The following GABRB3 variants were observed in gnomAD, a reference collection of about 807,000 sequenced individuals.
The protein encoded by GABRB3 is gamma-aminobutyric acid type A receptor subunit beta3, also known as gamma-aminobutyric acid receptor subunit beta-3.
GABRB3 carries 14 observed loss-of-function variants against 52.1 expected under a neutral mutation model. The ratio of observed to expected loss-of-function variants is 0.27; its 90% CI spans 0.18 to 0.42. GABRB3 has a LOEUF of 0.42. Among genes scored for constraint, GABRB3 ranks in the 10% least tolerant of loss-of-function variants. The probability of loss-of-function intolerance (pLI) is 1.00; values close to 1 mark genes in which losing one functional copy is unlikely to be tolerated. For missense variants in GABRB3, 307 were observed against 609.1 expected, an observed-to-expected ratio of 0.50 and a Z score of 5.22; for synonymous variants, 260 against 232.3, an observed-to-expected ratio of 1.12 and a Z score of -1.08.
At chr15:26,729,358 T>C (rs1889850221) in intron 3 of GABRB3, among the ~76,000 whole-genome samples, 1 of 151,134 alleles carries the variant, frequency 6.6e-6, no homozygotes, top group African/African-American at 2.4e-5. Flanking sequence ...CCCTCCACCT[T>C]CCCCCTCCTT....
At chr15:26,697,521 C>T (rs559632023) in intron 3 of GABRB3, among the ~76,000 whole-genome samples, 27 of 152,228 alleles carry the variant, frequency 1.8e-4, no homozygotes, top group African/African-American at 6.5e-4. Flanking sequence ...CACACTCTCT[C>T]AGGTCCTTCT....
At chr15:26,644,283 C>G (rs948707904) in intron 3 of GABRB3, among the ~76,000 whole-genome samples, 2 of 152,166 alleles carry the variant, frequency 1.3e-5, no homozygotes, top group South Asian at 4.1e-4. Flanking sequence ...GGGTTCTGAG[C>G]CCTGGTATCT....
At chr15:26,669,066 G>A (rs1020828194) in intron 3 of GABRB3, among the ~76,000 whole-genome samples, 3 of 152,210 alleles carry the variant, frequency 2.0e-5, no homozygotes, top group African/African-American at 7.2e-5. Context: ...CCCAGAGTAA[G>A]GCTCACTGCT....
intron 3 of GABRB3, among the ~76,000 whole-genome samples, chr15:26,670,071 G>T (rs1007777265): frequency 6.6e-5 from 10 of 152,224 alleles, no homozygotes; most frequent in African/African-American, 2.4e-4. Flanking sequence ...CACGTGAAGG[G>T]AGCTGCTCGA....
intron 3 of GABRB3, among the ~76,000 whole-genome samples, chr15:26,635,436 A>T (rs1893031779): frequency 6.6e-6 from 1 of 152,048 alleles, no homozygotes; most frequent in African/African-American, 2.4e-5. Flanking sequence ...GGCATGATTT[A>T]TGGAGTTTGT....
intron 3 of GABRB3, among the ~76,000 whole-genome samples, chr15:26,755,968 T>C (rs1890647944): frequency 6.6e-6 from 1 of 152,174 alleles, no homozygotes; most frequent in Non-Finnish European, 1.5e-5. Context: ...ATACAGCCCT[T>C]ACAATAAATG....
intron 8 of GABRB3, among the ~76,000 whole-genome samples, chr15:26,554,977 A>C (rs1226049601): frequency 6.6e-6 from 1 of 152,172 alleles, no homozygotes; most frequent in East Asian, 1.9e-4. Context: ...CAGGAGATCA[A>C]GATCATCCTG....
Position 26,546,382 on chromosome 15 carries a change from G to A in GABRB3, c.*1411C>T, listed in dbSNP as rs1231887733. On this transcript the variant is annotated 3_prime_UTR_variant, in exon 9 of 9. Coordinates refer to ENST00000311550, the MANE Select transcript of GABRB3 (RefSeq NM_000814.6). ...CTATGAAACCGGTGCACCTTGTCTT[G>A]TTTCTACGAGCTTTAAAAAGTCCAA... 2 of 151,982 alleles carry A rather than the reference G, an allele frequency of 1.3e-5. No homozygotes were observed. Among genetic ancestry groups the A allele is most frequent in the Non-Finnish European group, 2.9e-5 (2 of 67,954 alleles). 9.4% of individuals were successfully genotyped at this position (151,982 alleles called of 1,614,324 possible). A position where few individuals can be genotyped will look rare whatever the true frequency, so the allele number is the denominator to read the frequency against.
intron 3 of GABRB3, among the ~76,000 whole-genome samples, chr15:26,644,321 A>G (rs1348124635): frequency 2.0e-5 from 3 of 152,196 alleles, no homozygotes; most frequent in African/African-American, 7.2e-5. Flanking sequence ...TTGGAGATGA[A>G]GTGTTTACAG....
intron 8 of GABRB3, among the ~76,000 whole-genome samples, chr15:26,556,450 T>A (rs1272928309): frequency 1.3e-5 from 2 of 152,194 alleles, no homozygotes; most frequent in Admixed American, 6.5e-5. Flanking sequence ...CAGCTCTGAT[T>A]CCTTGCCAAG....
intron 4 of GABRB3, among the ~76,000 whole-genome samples, chr15:26,588,781 T>C (rs1416980571): frequency 5.9e-5 from 9 of 152,230 alleles, no homozygotes; most frequent in African/African-American, 2.2e-4. Flanking sequence ...AAAATAAATA[T>C]TCTACATGCT....
intron 4 of GABRB3, among the ~76,000 whole-genome samples, chr15:26,588,770 G>A (rs893139153): frequency 1.3e-4 from 20 of 152,082 alleles, no homozygotes; most frequent in East Asian, 3.9e-4. Flanking sequence ...AGTAAATGCC[G>A]AAAATAAATA....
At chr15:26,606,805 T>TAGATAGATAG (rs1398253433) in intron 4 of GABRB3, among the ~76,000 whole-genome samples, 8 of 117,948 alleles carry the variant, frequency 6.8e-5, no homozygotes, top group Non-Finnish European at 1.0e-4. Context: ...TAGATATATC[T>TAGATAGATAG]ATAGATAGAT....
chr15:26,636,536 C>G (rs1015127495), intron 3 of GABRB3, among the ~76,000 whole-genome samples: 3 of 152,200 alleles, frequency 2.0e-5, no homozygotes, highest in African/African-American at 7.2e-5. Flanking sequence ...AGACCCTGGT[C>G]TCTTCTCTAT....
At position 26,624,918 on chromosome 15, in the gene GABRB3, G is replaced by A. The variant is rs931395471; in HGVS notation, c.241-3384C>T. 5.2e-5 allele frequency: 51 copies of A among 985,508 alleles called. No homozygotes were observed. The African/African-American group carries it at 7.7e-4, about 15-fold the overall frequency. The allele number at this position is 985,508 out of a possible 1,614,324, so 61.0% of individuals were successfully genotyped here. A position where few individuals can be genotyped will look rare whatever the true frequency, so the allele number is the denominator to read the frequency against. On this transcript the variant is annotated intron_variant, in intron 3 of 8. Transcript: ENST00000311550. ...TGGTGAGCACTGAGCCAGGAACAGC[G>A]GGCAGCCGCTTGTGTGAGTGATCCT...
intron 3 of GABRB3, among the ~76,000 whole-genome samples, chr15:26,646,844 TTTTG>T (rs1157097018): frequency 1.3e-5 from 2 of 152,146 alleles, no homozygotes; most frequent in Non-Finnish European, 1.5e-5. Flanking sequence ...ATAACTTCTT[TTTTG>T]TTTGTTTGTT....
At position 26,729,224 on chromosome 15, in the gene GABRB3, G is replaced by T. The variant is rs1350895384; in HGVS notation, c.240+43178C>A. 2.0e-5 allele frequency among the ~76,000 whole-genome samples: 3 copies of T among 152,090 alleles called. No homozygotes were observed. In the East Asian group the frequency reaches 5.8e-4, roughly 29 times the overall value. ...CTGCACAGTGTATTCAGACTGCTCA[G>T]CTCCCCACCCTGGAGAACACTGAGC... On this transcript the variant is annotated intron_variant, in intron 3 of 8. Transcript: ENST00000311550.
intron 3 of GABRB3, among the ~76,000 whole-genome samples, chr15:26,705,740 G>A (rs1422632764): frequency 6.6e-6 from 1 of 152,150 alleles, no homozygotes. Context: ...AATTATGAAG[G>A]AGCAGCAGGA....
At chr15:26,739,501 G>A (rs1890147998) in intron 3 of GABRB3, among the ~76,000 whole-genome samples, 1 of 152,056 alleles carries the variant, frequency 6.6e-6, no homozygotes, top group Non-Finnish European at 1.5e-5. Flanking sequence ...TTTGCTGAGT[G>A]AATTAATGCA....
Sources: allele counts gnomAD v4.1 joint callset (sites outside exome capture counted in the v4.1 genomes callset), GRCh38; gene constraint gnomAD v4.1.1; transcripts MANE v1.5; gene names NCBI Gene and HGNC (gene_info 2026-07-23, HGNC 2026-07-21).